CELF2: variants seen among roughly 807,000 people sequenced by gnomAD.
The protein encoded by CELF2 is CUG triplet repeat RNA-binding protein 2.
Under a neutral mutation model 62.6 loss-of-function variants are expected in CELF2, and 8 were observed. The ratio of observed to expected loss-of-function variants is 0.13; its 90% CI spans 0.07 to 0.23. The LOEUF is 0.23. CELF2 is among the 10% of genes least tolerant of loss of function. The pLI is 1.00. For missense variants in CELF2, 333 were observed against 671.0 expected, an observed-to-expected ratio of 0.50 and a Z score of 5.56; for synonymous variants, 258 against 250.0, an observed-to-expected ratio of 1.03 and a Z score of -0.30.
chr10:11,085,854 CG>C (rs1441822713), intron 1 of CELF2, among the ~76,000 whole-genome samples: 1 of 152,060 alleles, frequency 6.6e-6, no homozygotes, highest in Non-Finnish European at 1.5e-5. Context: ...AGAAATACAT[CG>C]AGGATAGCAC....
the CELF2 span, among the ~76,000 whole-genome samples, chr10:10,731,243 A>C: frequency 6.8e-6 from 1 of 146,478 alleles, no homozygotes; most frequent in Non-Finnish European, 1.5e-5. Flanking sequence ...TCCTGCAGAA[A>C]ACACACACAC....
chr10:10,643,824 T>C, the CELF2 span, among the ~76,000 whole-genome samples: 1 of 152,196 alleles, frequency 6.6e-6, no homozygotes, highest in Non-Finnish European at 1.5e-5. Context: ...TTTTAAATTG[T>C]GACAGTCTTA....
At chr10:11,303,708 C>CT (rs2093971602) in intron 9 of CELF2, among the ~76,000 whole-genome samples, 1 of 152,192 alleles carries the variant, frequency 6.6e-6, no homozygotes, top group African/African-American at 2.4e-5. Flanking sequence ...AAAGGCAAAT[C>CT]TGAGTGAGTG....
rs901613128 is a variant in CELF2 at position 11,220,109 on chromosome 10, G to A, written c.354+2602G>A. Among the ~76,000 whole-genome samples, 1 of 152,188 alleles carries A rather than the reference G, an allele frequency of 6.6e-6. No individual in the cohort carries two copies. The highest frequency in any genetic ancestry group is 2.4e-5 in the African/African-American group (1 of 41,444). ...ATAAAGAAAAAATACATCACCAGCT[G>A]ACACTTTAAAGCTTTTCTGGTTGTA... On this transcript the variant is annotated intron_variant, in intron 3 of 12. Coordinates refer to ENST00000633077, the MANE Select transcript of CELF2 (RefSeq NM_001326342.2). The surrounding 1 kb of genome is among the most constrained non-coding windows in gnomAD (Gnocchi z 4.4).
At chr10:11,045,519 T>A (rs1564502345) in intron 1 of CELF2, among the ~76,000 whole-genome samples, 3 of 152,220 alleles carry the variant, frequency 2.0e-5, no homozygotes, top group Non-Finnish European at 4.4e-5. Flanking sequence ...GAGAATTCAA[T>A]GAGATGATTC....
the CELF2 span, among the ~76,000 whole-genome samples, chr10:10,726,684 T>A: frequency 6.6e-6 from 1 of 152,100 alleles, no homozygotes. Context: ...GGGGGGAAAA[T>A]GTTTAAATGT....
In CELF2 at chr10:10,894,359, GATGGATTTA is replaced by G. The variant is rs1384421124; in HGVS notation, c.54-25601_54-25593del. Among the ~76,000 whole-genome samples the G allele has an allele frequency of 2.0e-5, 3 of 152,202 alleles. No homozygotes were observed. In the East Asian group the frequency reaches 5.8e-4, roughly 29 times the overall value. On this transcript the variant is annotated intron_variant, in intron 1 of 13. Transcript: ENST00000636488. The stretch of plus-strand genomic sequence containing the variant: ...CTCACCAGCTCAAGGGCACCAACTT[GATGGATTTA>G]ATGTAATGTCTAAAATGACTAAGCT...
intron 1 of CELF2, among the ~76,000 whole-genome samples, chr10:10,891,847 A>G (rs2062168698): frequency 6.6e-6 from 1 of 152,180 alleles, no homozygotes; most frequent in Non-Finnish European, 1.5e-5. Context: ...CTCATCTGGA[A>G]AGTGTTGTTA....
intron 1 of CELF2, among the ~76,000 whole-genome samples, chr10:10,919,225 A>G (rs1175749290): frequency 6.6e-6 from 1 of 152,080 alleles, no homozygotes; most frequent in Non-Finnish European, 1.5e-5. Context: ...AGCTGAGATC[A>G]CGCCAGTGTA....
rs2071815226 is a variant in CELF2 at position 11,237,362 on chromosome 10, C to T, written c.355-11791C>T. ...AAGCCGTGGTCTCTGTCCAGCTTCT[C>T]AAGTTCTCTGTGGGGTACCCAGATT... On this transcript the variant is annotated intron_variant, in intron 3 of 12. Coordinates refer to ENST00000633077, the MANE Select transcript of CELF2 (RefSeq NM_001326342.2). The surrounding 1 kb of genome is among the most constrained non-coding windows in gnomAD (Gnocchi z 4.0). Among the ~76,000 whole-genome samples, 1 of 152,158 alleles carries T rather than the reference C, an allele frequency of 6.6e-6. No homozygotes were observed. Among genetic ancestry groups the T allele is most frequent in the Non-Finnish European group, 1.5e-5 (1 of 68,024 alleles).
intron 1 of CELF2, among the ~76,000 whole-genome samples, chr10:10,855,053 G>A (rs1262720859): frequency 6.6e-6 from 1 of 152,304 alleles, no homozygotes; most frequent in South Asian, 2.1e-4. Context: ...TTGGGTCACT[G>A]CCAAGCATCG....
At chr10:10,712,273 T>C in the CELF2 span, among the ~76,000 whole-genome samples, 1 of 151,722 alleles carries the variant, frequency 6.6e-6, no homozygotes. Flanking sequence ...TCAGAGAAGC[T>C]TTGGCTCCTC....
At chr10:11,091,146 T>G (rs2048206956) in intron 1 of CELF2, among the ~76,000 whole-genome samples, 1 of 152,206 alleles carries the variant, frequency 6.6e-6, no homozygotes, top group South Asian at 2.1e-4. Context: ...TTGATTCTCC[T>G]TTTTTGTCTA....
chr10:10,611,809 A>G, the CELF2 span, among the ~76,000 whole-genome samples: 3 of 152,218 alleles, frequency 2.0e-5, no homozygotes, highest in Non-Finnish European at 4.4e-5. Flanking sequence ...ATCTCCTTTT[A>G]TCTTTTTATT....
At chr10:10,553,675 G>C in the CELF2 span, among the ~76,000 whole-genome samples, 2 of 152,188 alleles carry the variant, frequency 1.3e-5, no homozygotes, top group Non-Finnish European at 2.9e-5. Context: ...TTTCTCTGCA[G>C]AAGTGATGAC....
chr10:10,726,216 A>G, the CELF2 span, among the ~76,000 whole-genome samples: 1 of 151,780 alleles, frequency 6.6e-6, no homozygotes. Flanking sequence ...TTCAGAATTT[A>G]CTCCATGCCT....
intron 1 of CELF2, among the ~76,000 whole-genome samples, chr10:11,137,138 A>G (rs2060566354): frequency 6.6e-6 from 1 of 152,232 alleles, no homozygotes; most frequent in African/African-American, 2.4e-5. Flanking sequence ...GGAAAATACA[A>G]TGTGATATCA....
intron 1 of CELF2, chr10:11,097,194 C>T (rs1024680590): frequency 9.2e-5 from 14 of 152,104 alleles, no homozygotes; most frequent in African/African-American, 3.1e-4. Context: ...TAGAGCTGCC[C>T]ATCACATTTG....
chr10:11,224,523 G>A lies in CELF2; in HGVS notation c.354+7016G>A, dbSNP rs951829067. Among the ~76,000 whole-genome samples the A allele has an allele frequency of 6.6e-6, 1 of 152,168 alleles. No homozygotes were observed. Among genetic ancestry groups the A allele is most frequent in the East Asian group, 1.9e-4 (1 of 5,196 alleles). ...TAGGATTTCAAAAGAAGATTGTGGG[G>A]GAGGCGGGGGATCCATGAATTTGAT... On this transcript the variant is annotated intron_variant, in intron 3 of 12. Coordinates refer to ENST00000633077, the MANE Select transcript of CELF2 (RefSeq NM_001326342.2). The surrounding 1 kb of genome is among the most constrained non-coding windows in gnomAD (Gnocchi z 4.5).
Sources: allele counts gnomAD v4.1 joint callset (sites outside exome capture counted in the v4.1 genomes callset), GRCh38; gene constraint gnomAD v4.1.1; non-coding constraint Gnocchi (gnomAD v3.1); transcripts MANE v1.5; gene names NCBI Gene and HGNC (gene_info 2026-07-23, HGNC 2026-07-21).